The following BPIFB3 variants were observed in gnomAD, a reference collection of about 807,000 sequenced individuals.
BPIFB3 encodes BPI fold-containing family B member 3.
In BPIFB3, 49 loss-of-function variants were observed where a neutral mutation model predicts 53.1. The ratio of observed to expected loss-of-function variants is 0.92; its 90% CI spans 0.73 to 1.17. The LOEUF is 1.17. Ranked by LOEUF, BPIFB3 falls within the 50% of genes most tolerant of loss-of-function variation. The pLI is 0.00. For synonymous variants in BPIFB3, 271 were observed against 269.6 expected, an observed-to-expected ratio of 1.01 and a Z score of -0.05; for missense variants, 628 against 592.5, an observed-to-expected ratio of 1.06 and a Z score of -0.62.
chr20:33,072,411 C>T (rs1980942686), intron 13 of BPIFB3, among the ~76,000 whole-genome samples: 1 of 152,186 alleles, frequency 6.6e-6, no homozygotes, highest in African/African-American at 2.4e-5. Flanking sequence ...TAAGCTCCCA[C>T]AGTCTAGTAG....
In BPIFB3 at chr20:33,064,701, C is replaced by T. The variant is rs143149440; in HGVS notation, c.780C>T (p.Asp260=). 4.3e-6 allele frequency: 7 copies of T among 1,613,938 alleles called. No individual in the cohort carries two copies. In the African/African-American group the frequency reaches 9.3e-5, roughly 22 times the overall value. ...AGAGTGTAGCTGGTGATATCATTGA[C>T]TTCCCCAAGTCCCGTGCCCCAGCCA... The change falls in exon 8 of 15, where the codon GAC becomes GAT. Residue 260 remains aspartate (D), a synonymous_variant. Transcript: ENST00000375494.
chr20:33,071,433 G>A, intron 12 of BPIFB3, 138 bp downstream of exon 13: 7 of 999,062 alleles, frequency 7.0e-6, no homozygotes, highest in Non-Finnish European at 4.5e-6. Flanking sequence ...AAGCCAGAGT[G>A]GGCAAATATC....
Position 33,062,699 on chromosome 20 carries a change from G to A in BPIFB3, c.591+868G>A, listed in dbSNP as rs1052696465. Among the ~76,000 whole-genome samples the A allele has an allele frequency of 3.3e-5, 5 of 152,186 alleles. No individual in the cohort carries two copies. In the East Asian group the frequency reaches 5.8e-4, roughly 18 times the overall value. ...CAACATTCAGCATTGAAGATTTCTC[G>A]TAACAGTCCAGATTTCTGGCTTCTG... On this transcript the variant is annotated intron_variant, in intron 5 of 14. Transcript: ENST00000375494.
intron 9 of BPIFB3, 129 bp downstream of exon 10, chr20:33,067,006 A>T: frequency 2.6e-5 from 24 of 923,506 alleles, no homozygotes; most frequent in Non-Finnish European, 3.9e-5. Context: ...AATTCACACT[A>T]AAGTGTGAAT....
At chr20:33,060,973 A>G (rs958260583) in intron 4 of BPIFB3, among the ~76,000 whole-genome samples, 1 of 152,182 alleles carries the variant, frequency 6.6e-6, no homozygotes, top group African/African-American at 2.4e-5. Flanking sequence ...GGCTGGGTCC[A>G]AGGCCTCTGC....
intron 8 of BPIFB3, among the ~76,000 whole-genome samples, chr20:33,066,242 C>T (rs1352582821): frequency 6.6e-6 from 1 of 152,206 alleles, no homozygotes; most frequent in South Asian, 2.1e-4. Context: ...CCCCATTTCT[C>T]AGGCAGTTGC....
intron 1 of BPIFB3, among the ~76,000 whole-genome samples, chr20:33,056,116 G>A (rs1199641112): frequency 1.3e-5 from 2 of 152,150 alleles, no homozygotes; most frequent in African/African-American, 2.4e-5. Context: ...TTGAGCCCTG[G>A]TGGCTACAAG....
At chr20:33,063,000 T>C (rs946361898) in intron 5 of BPIFB3, among the ~76,000 whole-genome samples, 1 of 152,240 alleles carries the variant, frequency 6.6e-6, no homozygotes, top group African/African-American at 2.4e-5. Context: ...ATGAAGGGGC[T>C]GGACTGCATC....
At chr20:33,062,986 G>A (rs948675536) in intron 5 of BPIFB3, among the ~76,000 whole-genome samples, 20 of 152,208 alleles carry the variant, frequency 1.3e-4, no homozygotes, top group Admixed American at 5.9e-4. Flanking sequence ...GCCTCAGCTG[G>A]AGGATGAAGG....
chr20:33,061,610 G>A (rs1166061197), intron 4 of BPIFB3, among the ~76,000 whole-genome samples, 158 bp from the exon 6 acceptor site: 1 of 151,670 alleles, frequency 6.6e-6, no homozygotes, highest in African/African-American at 2.4e-5. Context: ...TCGGGAGGAG[G>A]AGCCAGGATT....
At chr20:33,066,599 A>G (rs188286833) in intron 8 of BPIFB3, among the ~76,000 whole-genome samples, 90 of 152,342 alleles carry the variant, frequency 5.9e-4, no homozygotes, top group African/African-American at 2.0e-3. Flanking sequence ...GAGCTGTTGT[A>G]AAGGTGAAAT....
At chr20:33,062,312 T>C (rs1980493483) in intron 5 of BPIFB3, among the ~76,000 whole-genome samples, 1 of 152,148 alleles carries the variant, frequency 6.6e-6, no homozygotes, top group Non-Finnish European at 1.5e-5. Context: ...TCGAGAGAGC[T>C]GGTCTGGCCC....
chr20:33,059,975 C>T lies in BPIFB3; in HGVS notation c.471C>T (p.Pro157=), dbSNP rs1353249680. ...TGGCCGTGAGCTCAAGGGGCACACC[C>T]ATCCTTATCCTCAAGCGCTGCAGCA... The change falls in exon 4 of 15, where the codon CCC becomes CCT. Residue 157 remains proline (P), a synonymous_variant. Coordinates refer to ENST00000375494, the Ensembl canonical transcript of BPIFB3. 1.9e-6 allele frequency: 3 copies of T among 1,614,066 alleles called. No homozygotes were observed. In the Admixed American group the frequency reaches 5.0e-5, roughly 27 times the overall value.
chr20:33,071,034 A>G (rs1014156537), intron 11 of BPIFB3, among the ~76,000 whole-genome samples: 1 of 152,174 alleles, frequency 6.6e-6, no homozygotes, highest in African/African-American at 2.4e-5. Context: ...CGCCAAGGCC[A>G]GAGGTGGTGG....
At chr20:33,061,511 A>C (rs761936) in intron 4 of BPIFB3, among the ~76,000 whole-genome samples, 1 of 151,660 alleles carries the variant, frequency 6.6e-6, no homozygotes, top group Non-Finnish European at 1.5e-5. Flanking sequence ...CACCAGCCAC[A>C]TACACACTCC....
chr20:33,055,421 G>C, upstream of BPIFB3: 1 of 1,613,400 alleles, frequency 6.2e-7, no homozygotes, highest in Non-Finnish European at 8.5e-7. Flanking sequence ...GCTCCTTATA[G>C]GCATGCAGCC....
chr20:33,060,188 G>C (rs963055707), intron 4 of BPIFB3, among the ~76,000 whole-genome samples, 157 bp downstream of exon 5: 3 of 152,154 alleles, frequency 2.0e-5, no homozygotes, highest in African/African-American at 7.2e-5. Context: ...TTCACAGACC[G>C]ACAGATTGAG....
intron 11 of BPIFB3, 129 bp from the exon 13 acceptor site, chr20:33,071,123 TG>T: frequency 1.0e-6 from 1 of 987,446 alleles, no homozygotes; most frequent in Non-Finnish European, 1.5e-6. Flanking sequence ...GAGTCAAGGC[TG>T]GATAGAGGCA....
intron 11 of BPIFB3, 95 bp downstream of exon 12, chr20:33,070,050 C>A: frequency 7.1e-7 from 1 of 1,412,870 alleles, no homozygotes; most frequent in Non-Finnish European, 1.0e-6. Context: ...TGAGCATCAG[C>A]GCAATTCCAG....
Sources: allele counts gnomAD v4.1 joint callset (sites outside exome capture counted in the v4.1 genomes callset), GRCh38; gene constraint gnomAD v4.1.1; transcripts MANE v1.5; gene names NCBI Gene and HGNC (gene_info 2026-07-23, HGNC 2026-07-21).